CEP72: variants seen among roughly 807,000 people sequenced by gnomAD.
The protein encoded by CEP72 is centrosomal protein of 72 kDa.
In CEP72, 78 loss-of-function variants were observed where a neutral mutation model predicts 65.7. The ratio of observed to expected loss-of-function variants is 1.19; its 90% CI spans 0.99 to 1.43. CEP72 has a LOEUF of 1.43. Among genes scored for constraint, CEP72 ranks in the 40% most tolerant of loss-of-function variants. The probability of loss-of-function intolerance (pLI) is 0.00; values close to 1 mark genes in which losing one functional copy is unlikely to be tolerated. For synonymous variants in CEP72, 358 were observed against 351.7 expected, an observed-to-expected ratio of 1.02 and a Z score of -0.20; for missense variants, 914 against 832.9, an observed-to-expected ratio of 1.10 and a Z score of -1.20.
In CEP72 at chr5:623,419, T is replaced by C. The variant is rs1367886967; in HGVS notation, c.404-1052T>C. ...GTGGAGGAGGCAGATAGCAAGGGCC[T>C]GCGTGTGGGATGGAGGCGGCGTCTG... On this transcript the variant is annotated intron_variant, in intron 3 of 11. Transcript: ENST00000264935. This position sits in a 1 kb window ranked among gnomAD's most constrained non-coding sequence, Gnocchi z 5.3. Among the ~76,000 whole-genome samples the C allele has an allele frequency of 6.6e-6, 1 of 152,190 alleles. No individual in the cohort carries two copies. The highest frequency in any genetic ancestry group is 1.5e-5 in the Non-Finnish European group (1 of 68,020).
intron 4 of CEP72, among the ~76,000 whole-genome samples, chr5:633,032 C>T (rs1737308108): frequency 1.7e-5 from 1 of 60,112 alleles, no homozygotes; most frequent in Non-Finnish European, 2.9e-5. Context: ...GGGTTCTGTC[C>T]AGTGCCGGGA....
At chr5:654,066 C>CCTAG (rs2126835508), downstream of CEP72, among the ~76,000 whole-genome samples, 1 of 124,770 alleles carries the variant, frequency 8.0e-6, no homozygotes, top group African/African-American at 3.1e-5. Flanking sequence ...TGTGTGTGTG[C>CCTAG]TGTGTGTGCG....
intron 6 of CEP72, among the ~76,000 whole-genome samples, chr5:637,062 C>T (rs1737654709): frequency 1.3e-5 from 2 of 152,156 alleles, no homozygotes; most frequent in African/African-American, 4.8e-5. Context: ...TCTTGTGTGT[C>T]CTGGGGGCTT....
At chr5:646,330 C>T (rs1421974227) in intron 10 of CEP72, among the ~76,000 whole-genome samples, 1 of 152,204 alleles carries the variant, frequency 6.6e-6, no homozygotes, top group Non-Finnish European at 1.5e-5. Context: ...TCTGTCATTT[C>T]CTTTTTGTCT....
downstream of CEP72, chr5:662,038 G>C (rs1012632873): frequency 3.9e-5 from 6 of 152,452 alleles, no homozygotes; most frequent in African/African-American, 1.4e-4. Flanking sequence ...CAGCAGCCTC[G>C]ATCTCATTCA....
chr5:639,019 T>C, intron 7 of CEP72, 70 bp from the exon 8 acceptor site: 1 of 1,598,172 alleles, frequency 6.3e-7, no homozygotes, highest in South Asian at 1.1e-5. Context: ...CAGGGTGCGC[T>C]TGGGCACCTG....
At chr5:675,720 G>C in the CEP72 span, 1 of 154,174 alleles carries the variant, frequency 6.5e-6, no homozygotes, top group Non-Finnish European at 1.4e-5. Flanking sequence ...GGCTCCTTGT[G>C]CCTTCCTGGT....
chr5:634,008 T>A, intron 5 of CEP72, 61 bp downstream of exon 5: 2 of 1,515,664 alleles, frequency 1.3e-6, no homozygotes, highest in Non-Finnish European at 1.8e-6. Flanking sequence ...TATATAGTCG[T>A]TACTGGGCTT....
chr5:667,540 A>G (rs867560818), downstream of CEP72, among the ~76,000 whole-genome samples: 2 of 152,192 alleles, frequency 1.3e-5, no homozygotes, highest in Non-Finnish European at 2.9e-5. Context: ...AACATGGCCT[A>G]TAGTGGAAAA....
chr5:642,521 A>C (rs1017984919), intron 9 of CEP72: 23 of 985,368 alleles, frequency 2.3e-5, no homozygotes, highest in Middle Eastern at 5.2e-4. Flanking sequence ...GCCTGGGACG[A>C]GACAGAGCTG....
intron 1 of CEP72, among the ~76,000 whole-genome samples, chr5:616,710 C>T (rs1736009220): frequency 6.6e-6 from 1 of 152,136 alleles, no homozygotes; most frequent in African/African-American, 2.4e-5. Context: ...AAGGGCACCA[C>T]CTCGTTCTAG....
Position 620,192 on chromosome 5 carries a change from C to T in CEP72, c.334C>T (p.Pro112Ser). The T allele has an allele frequency of 1.9e-6, 3 of 1,614,192 alleles. No homozygotes were observed. The highest frequency in any genetic ancestry group is 1.3e-5 in the African/African-American group (1 of 75,054). ...CGTGGATGTGGACTTCCGGCTGAACCCCGTGGTGAAGGTTGAGCCTGACTA... is the reference window on the plus strand; with the variant it reads ...CGTGGATGTGGACTTCCGGCTGAACTCCGTGGTGAAGGTTGAGCCTGACTA... ...ELVDVDFRLN[P>S]VVKVEPDYRL... The change falls in exon 3 of 12, where the codon CCC (proline) becomes TCC (serine). Residue 112 changes from proline (P) to serine (S), a missense_variant. Pro to Ser is a moderately conservative substitution (Grantham distance 74). Transcript: ENST00000264935.
intron 3 of CEP72, among the ~76,000 whole-genome samples, chr5:622,885 G>A (rs1456727092): frequency 6.6e-6 from 1 of 152,274 alleles, no homozygotes; most frequent in Non-Finnish European, 1.5e-5. Flanking sequence ...CTCATAAACA[G>A]TTGAGTTTGG....
chr5:612,533 C>A, intron 1 of CEP72, 90 bp downstream of exon 1: 1 of 1,301,018 alleles, frequency 7.7e-7, no homozygotes. Flanking sequence ...CGTGGGCAGG[C>A]GGGACCCGTC....
Position 645,788 on chromosome 5 carries a change from C to T in CEP72, c.1666+1363C>T, listed in dbSNP as rs1738376054. Among the ~76,000 whole-genome samples, 1 of 152,228 alleles carries T rather than the reference C, an allele frequency of 6.6e-6. No individual in the cohort carries two copies. The highest frequency in any genetic ancestry group is 2.1e-4 in the South Asian group (1 of 4,826). On this transcript the variant is annotated intron_variant, in intron 10 of 11. Transcript: ENST00000264935. This position sits in a 1 kb window ranked among gnomAD's most constrained non-coding sequence, Gnocchi z 4.0. ...TACTCGGTCTTAAATGTATGCATAG[C>T]TCCCATTTATTTTAGTGTTTAATGT...
the CEP72 span, among the ~76,000 whole-genome samples, chr5:672,475 A>G: frequency 6.6e-6 from 1 of 152,250 alleles, no homozygotes; most frequent in Non-Finnish European, 1.5e-5. Context: ...CAGCCAGCTG[A>G]GACCGCAGCC....
chr5:646,158 G>A (rs1738410482), intron 10 of CEP72, among the ~76,000 whole-genome samples: 1 of 152,256 alleles, frequency 6.6e-6, no homozygotes, highest in South Asian at 2.1e-4. Context: ...GCTGTTTCCA[G>A]AACCATCAGT....
chr5:659,236 T>A (rs554735253), downstream of CEP72, among the ~76,000 whole-genome samples: 4 of 152,384 alleles, frequency 2.6e-5, no homozygotes, highest in African/African-American at 9.6e-5. Context: ...GCTCCTGTTC[T>A]GCTCACCTGT....
intron 1 of CEP72, among the ~76,000 whole-genome samples, chr5:616,026 T>A (rs1402155609): frequency 1.3e-5 from 2 of 152,228 alleles, no homozygotes; most frequent in Non-Finnish European, 2.9e-5. Context: ...CGTATTAATA[T>A]TATGATTTTT....
Sources: gnomAD v4.1 joint callset for allele counts (sites outside exome capture counted in the v4.1 genomes callset) on GRCh38, gnomAD v4.1.1 for gene constraint, Gnocchi (gnomAD v3.1) non-coding constraint, MANE v1.5 for transcripts, NCBI Gene and HGNC (gene_info 2026-07-23, HGNC 2026-07-21) for gene names.